Variants in NFATC2 observed in about 807,000 individuals in gnomAD.
NFATC2 encodes the protein nuclear factor of activated T cells 2, also known as nuclear factor of activated T-cells, cytoplasmic 2.
Under a neutral mutation model 87.3 loss-of-function variants are expected in NFATC2, and 22 were observed. That is an observed-to-expected ratio of 0.25 (90% CI 0.18 to 0.36). The LOEUF (loss-of-function observed/expected upper bound fraction) is 0.36. Ranked by LOEUF, NFATC2 falls within the 10% of genes least tolerant of loss-of-function variation. The probability of loss-of-function intolerance (pLI) is 1.00; values close to 1 mark genes in which losing one functional copy is unlikely to be tolerated. For synonymous variants in NFATC2, 565 were observed against 542.2 expected (o/e 1.04, Z -0.58); for missense variants, 1,149 against 1,259.1 (o/e 0.91, Z 1.32).
At chr20:51,506,785 C>T (rs2076190254) in intron 3 of NFATC2, among the ~76,000 whole-genome samples, 1 of 152,136 alleles carries the variant, frequency 6.6e-6, no homozygotes, top group South Asian at 2.1e-4. Context: ...TGGTCATGGT[C>T]CCCTCTTGTG....
intron 6 of NFATC2, among the ~76,000 whole-genome samples, chr20:51,449,592 C>T (rs890880725): frequency 6.6e-6 from 1 of 152,128 alleles, no homozygotes; most frequent in African/African-American, 2.4e-5. Context: ...AATGGGTAAG[C>T]CTGTGGCTCA....
chr20:51,456,273 A>T (rs6021218), intron 5 of NFATC2, among the ~76,000 whole-genome samples: 3,119 of 152,288 alleles, frequency 0.02, 92 homozygotes, highest in East Asian at 0.13. Context: ...GCCTGTGCTG[A>T]GCACTAAACC....
intron 1 of NFATC2, among the ~76,000 whole-genome samples, chr20:51,550,437 A>G (rs2076923429): frequency 6.6e-6 from 1 of 151,848 alleles, no homozygotes; most frequent in South Asian, 2.1e-4. Flanking sequence ...CTAAAAATAC[A>G]AAAAATAGCC....
At chr20:51,469,835 C>T (rs982737372) in intron 5 of NFATC2, among the ~76,000 whole-genome samples, 2 of 152,186 alleles carry the variant, frequency 1.3e-5, no homozygotes, top group African/African-American at 4.8e-5. Flanking sequence ...CCAGCAGGAA[C>T]CAACCCTGCT....
intron 6 of NFATC2, among the ~76,000 whole-genome samples, chr20:51,450,668 A>T (rs1985652330): frequency 6.6e-6 from 1 of 152,224 alleles, no homozygotes; most frequent in Non-Finnish European, 1.5e-5. Context: ...TCACCTGTGG[A>T]CGAGTCCCCT....
chr20:51,488,208 G>A (rs956781963), intron 3 of NFATC2, among the ~76,000 whole-genome samples: 1 of 152,188 alleles, frequency 6.6e-6, no homozygotes, highest in Non-Finnish European at 1.5e-5. Context: ...TAAGCTGAAG[G>A]CTGTCCTTCA....
In NFATC2 at chr20:51,472,712, C is replaced by T. The variant is rs1488453872; in HGVS notation, c.1708+1268G>A. On this transcript the variant is annotated intron_variant, in intron 5 of 10. Coordinates refer to ENST00000371564, the MANE Select transcript of NFATC2 (RefSeq NM_012340.5). ...GGGCAGTGGTGCGATCTCAGCTCAT[C>T]GCAACCTCCACCTCCCGGATTCAAG... is the stretch of plus-strand genomic sequence containing the variant. 6.3e-5 allele frequency among the ~76,000 whole-genome samples: 9 copies of T among 142,762 alleles called. No homozygotes were observed. The South Asian group carries it at 1.1e-3, about 17-fold the overall frequency. The allele number at this position is 142,762 out of a possible 152,430, so 93.7% of individuals were successfully genotyped here.
At chr20:51,413,621 G>T (rs972852810) in intron 9 of NFATC2, among the ~76,000 whole-genome samples, 1 of 152,124 alleles carries the variant, frequency 6.6e-6, no homozygotes, top group Non-Finnish European at 1.5e-5. Context: ...AGCCAGGAGT[G>T]GTGGCACACG....
rs1370515629 is a variant in NFATC2 at position 51,523,563 on chromosome 20, G to C, written c.678C>G (p.Leu226=). The change falls in exon 2 of 11, where the codon CTC becomes CTG. Residue 226 remains leucine, a synonymous_variant. Transcript: ENST00000371564. The surrounding 1 kb of genome is among the most constrained non-coding windows in gnomAD (Gnocchi z 6.9). Reference sequence around the variant, plus strand: ...GGCGGCCCAGGCAGCTGTCCTCGGCGAGGCTGGTTCGAGGTGACATTATTG... The same window carrying C: ...GGCGGCCCAGGCAGCTGTCCTCGGCCAGGCTGGTTCGAGGTGACATTATTG... ...TSPIMSPRTS[L]AEDSCLGRHS... is the part of the protein sequence containing the mutation. 1.9e-6 allele frequency: 3 copies of C among 1,613,876 alleles called. No individual in the cohort carries two copies. The highest frequency in any genetic ancestry group is 1.1e-5 in the South Asian group (1 of 91,082).
At position 51,473,899 on chromosome 20, in the gene NFATC2, G is replaced by A. The variant is rs532263140; in HGVS notation, c.1708+81C>T. 2.1e-5 allele frequency: 31 copies of A among 1,486,788 alleles called. No homozygotes were observed. In the Admixed American group the frequency reaches 3.0e-4, roughly 14 times the overall value. 92.1% of individuals were successfully genotyped at this position (1,486,788 alleles called of 1,614,324 possible). A position where few individuals can be genotyped will look rare whatever the true frequency, so the allele number is the denominator to read the frequency against. On this transcript the variant is annotated intron_variant, in intron 5 of 10. Coordinates refer to ENST00000371564, the MANE Select transcript of NFATC2 (RefSeq NM_012340.5). ...TCCCGCAGGCCACCCCGGGTACCTC[G>A]CCCAGAATACACTGCTCCCGGGGGA...
At chr20:51,400,404 G>A (rs1264746328) in intron 9 of NFATC2, among the ~76,000 whole-genome samples, 2 of 145,180 alleles carry the variant, frequency 1.4e-5, no homozygotes, top group African/African-American at 5.1e-5. Flanking sequence ...CATCCACCCA[G>A]AACACGAGTT....
At position 51,523,335 on chromosome 20, in the gene NFATC2, C is replaced by T. The variant is rs367982508; in HGVS notation, c.906G>A (p.Val302=). The part of the protein sequence containing the change: ...AGYPPVAGSA[V]IMDALNSLAT... ...CGAGGCTGTTCAGGGCATCCATGAT[C>T]ACGGCAGAGCCAGCCACAGGGGGGT... The change falls in exon 2 of 11, where the codon GTG becomes GTA. Residue 302 remains valine, a synonymous_variant. Transcript: ENST00000371564. The surrounding 1 kb of genome is among the most constrained non-coding windows in gnomAD (Gnocchi z 6.9). The T allele has an allele frequency of 2.7e-5, 44 of 1,612,382 alleles. No individual in the cohort carries two copies. Among genetic ancestry groups the T allele is most frequent in the Non-Finnish European group, 3.6e-5 (43 of 1,179,384 alleles).
chr20:51,404,359 G>T (rs2146251544), intron 9 of NFATC2, among the ~76,000 whole-genome samples: 1 of 152,272 alleles, frequency 6.6e-6, no homozygotes, highest in South Asian at 2.1e-4. Context: ...ACTATTCCCA[G>T]CTTCTAAGGC....
rs982405446 is a variant in NFATC2 at position 51,400,487 on chromosome 20, C to T, written c.2723-1757G>A. ...TATGGGGGGTGGGGGGGCACAATGG[C>T]GCTATCTCAGGGGACTCGAGAAACC... On this transcript the variant is annotated intron_variant, in intron 9 of 10. Coordinates refer to ENST00000371564, the MANE Select transcript of NFATC2 (RefSeq NM_012340.5). Among the ~76,000 whole-genome samples, 98 of 152,122 alleles carry T rather than the reference C, an allele frequency of 6.4e-4. 1 individual carries two copies. Among genetic ancestry groups the T allele is most frequent in the Middle Eastern group, 3.4e-3 (1 of 294 alleles).
chr20:51,469,702 G>A (rs1215545069), intron 5 of NFATC2, among the ~76,000 whole-genome samples: 1 of 152,290 alleles, frequency 6.6e-6, no homozygotes, highest in East Asian at 1.9e-4. Flanking sequence ...GAGACCCAGA[G>A]AAGGCCATGT....
At chr20:51,554,585 G>A (rs6096471) in intron 1 of NFATC2, among the ~76,000 whole-genome samples, 5,829 of 152,264 alleles carry the variant, frequency 0.038, 353 homozygotes, top group African/African-American at 0.13. Flanking sequence ...TGCTGAGAGC[G>A]TCACAGACAC....
rs374344874 is a variant in NFATC2 at position 51,431,289 on chromosome 20, C to T, written c.2722+778G>A. On this transcript the variant is annotated intron_variant, in intron 9 of 10. Transcript: ENST00000371564. ...CTCTCCGACCTCCCAATGCACCTTG[C>T]GGCTCCCAGGTGAGTCTTAGCAATG... Among the ~76,000 whole-genome samples the T allele has an allele frequency of 4.6e-5, 7 of 152,166 alleles. No homozygotes were observed. In the East Asian group the frequency reaches 5.8e-4, roughly 13 times the overall value.
intron 3 of NFATC2, among the ~76,000 whole-genome samples, chr20:51,476,549 C>A (rs1427548982): frequency 6.6e-6 from 1 of 152,144 alleles, no homozygotes; most frequent in Non-Finnish European, 1.5e-5. Context: ...TACTTTTTAT[C>A]CAGTCCAACA....
intron 5 of NFATC2, among the ~76,000 whole-genome samples, chr20:51,459,631 A>C (rs1426986293): frequency 1.3e-5 from 2 of 152,158 alleles, no homozygotes; most frequent in East Asian, 3.8e-4. Flanking sequence ...TAATCCCAGC[A>C]CTTTGGGAGG....
Sources: gnomAD v4.1 joint callset for allele counts (sites outside exome capture counted in the v4.1 genomes callset) on GRCh38, gnomAD v4.1.1 for gene constraint, Gnocchi (gnomAD v3.1) non-coding constraint, MANE v1.5 for transcripts, NCBI Gene and HGNC (gene_info 2026-07-23, HGNC 2026-07-21) for gene names.